The following MYO1D variants were observed in gnomAD, a reference collection of about 807,000 sequenced individuals.
MYO1D encodes the protein myosin ID.
Under a neutral mutation model 122.0 loss-of-function variants are expected in MYO1D, and 83 were observed. That is an observed-to-expected ratio of 0.68 (90% confidence interval 0.57 to 0.82). MYO1D has a LOEUF of 0.82. Ranked by LOEUF, MYO1D falls within the 40% of genes least tolerant of loss-of-function variation. The pLI, the probability that MYO1D is intolerant of heterozygous loss-of-function variation, is 0.00. For missense variants in MYO1D, 1,157 were observed against 1,269.5 expected (o/e 0.91, Z 1.35); for synonymous variants, 464 against 446.9 (o/e 1.04, Z -0.48).
At chr17:32,560,048 A>G (rs752548316) in intron 21 of MYO1D, among the ~76,000 whole-genome samples, 4 of 152,158 alleles carry the variant, frequency 2.6e-5, no homozygotes, top group Non-Finnish European at 2.9e-5. Context: ...CGAGGTCAGG[A>G]GTTCAAGACC....
intron 21 of MYO1D, among the ~76,000 whole-genome samples, chr17:32,561,045 A>G (rs917348981): frequency 7.3e-5 from 11 of 150,922 alleles, no homozygotes; most frequent in South Asian, 2.1e-4. Flanking sequence ...CTGAGTAGCT[A>G]GGATTACAGG....
intron 1 of MYO1D, among the ~76,000 whole-genome samples, chr17:32,784,287 A>G (rs1339053169): frequency 1.3e-5 from 2 of 152,124 alleles, no homozygotes; most frequent in African/African-American, 4.8e-5. Flanking sequence ...GGTTTTGCCC[A>G]TGGAGTTCAT....
At chr17:32,652,195 A>G (rs900557356) in intron 19 of MYO1D, among the ~76,000 whole-genome samples, 5 of 152,158 alleles carry the variant, frequency 3.3e-5, no homozygotes, top group Admixed American at 1.3e-4. Flanking sequence ...ATTTTGATAG[A>G]TATTGCCAAA....
At chr17:32,803,580 G>A (rs1272607389) in intron 1 of MYO1D, among the ~76,000 whole-genome samples, 1 of 152,138 alleles carries the variant, frequency 6.6e-6, no homozygotes, top group Non-Finnish European at 1.5e-5. Flanking sequence ...TATATACATC[G>A]CACTATCAGC....
chr17:32,842,866 T>G (rs1260310697), intron 1 of MYO1D, among the ~76,000 whole-genome samples: 1 of 151,476 alleles, frequency 6.6e-6, no homozygotes, highest in East Asian at 1.9e-4. Flanking sequence ...TACTGTCATT[T>G]GTTTTATTTC....
intron 21 of MYO1D, among the ~76,000 whole-genome samples, chr17:32,540,203 T>C (rs1262416729): frequency 1.3e-5 from 2 of 151,292 alleles, no homozygotes; most frequent in African/African-American, 4.9e-5. Context: ...ATTAGCCAAG[T>C]GTAGTAATCC....
chr17:32,873,964 C>T (rs1288027076), intron 1 of MYO1D, among the ~76,000 whole-genome samples: 2 of 152,192 alleles, frequency 1.3e-5, no homozygotes, highest in African/African-American at 4.8e-5. Flanking sequence ...CCTTCCCTTC[C>T]AAACAACTTA....
intron 21 of MYO1D, among the ~76,000 whole-genome samples, chr17:32,573,525 CT>C (rs879532045): frequency 0.034 from 4,903 of 144,588 alleles, 211 homozygotes; most frequent in African/African-American, 0.11. Context: ...TGTTTTTCTT[CT>C]TTTTTTTTTT....
At chr17:32,820,535 ATAC>A (rs770234184) in intron 1 of MYO1D, among the ~76,000 whole-genome samples, 1 of 152,090 alleles carries the variant, frequency 6.6e-6, no homozygotes, top group East Asian at 1.9e-4. Flanking sequence ...AGAAAGACAA[ATAC>A]TACATGATTT....
chr17:32,533,017 C>T (rs981649993), intron 21 of MYO1D, among the ~76,000 whole-genome samples: 1 of 152,162 alleles, frequency 6.6e-6, no homozygotes, highest in Admixed American at 6.5e-5. Context: ...TTATGACACT[C>T]TCTCACATGG....
At chr17:32,644,426 A>AG (rs1226931088) in intron 19 of MYO1D, among the ~76,000 whole-genome samples, 1 of 152,186 alleles carries the variant, frequency 6.6e-6, no homozygotes, top group Non-Finnish European at 1.5e-5. Flanking sequence ...GATGTCTATT[A>AG]GGTCCGCTTG....
chr17:32,523,038 A>C (rs549412400), intron 21 of MYO1D, among the ~76,000 whole-genome samples: 1 of 152,222 alleles, frequency 6.6e-6, no homozygotes, highest in Admixed American at 6.5e-5. Flanking sequence ...GATGGTCTCG[A>C]TCTCCTGACC....
At chr17:32,745,462 G>A (rs956082732) in intron 12 of MYO1D, 177 bp from the exon 13 acceptor site, 63 of 514,622 alleles carry the variant, frequency 1.2e-4, no homozygotes, top group African/African-American at 8.8e-4. Context: ...TAAATAGAAG[G>A]GAATTTTCAT....
At chr17:32,786,480 G>A (rs2090295256) in intron 1 of MYO1D, among the ~76,000 whole-genome samples, 1 of 152,202 alleles carries the variant, frequency 6.6e-6, no homozygotes, top group Non-Finnish European at 1.5e-5. Context: ...ACCAAACTCA[G>A]TGCATTTTAT....
At chr17:32,873,078 A>G (rs1316050957) in intron 1 of MYO1D, among the ~76,000 whole-genome samples, 1 of 152,250 alleles carries the variant, frequency 6.6e-6, no homozygotes, top group Non-Finnish European at 1.5e-5. Flanking sequence ...TTTAGCTCCA[A>G]GAGGGAAAAA....
intron 1 of MYO1D, among the ~76,000 whole-genome samples, chr17:32,852,574 T>C (rs1289607450): frequency 1.3e-5 from 2 of 152,208 alleles, no homozygotes; most frequent in African/African-American, 4.8e-5. Flanking sequence ...TATGCTACTA[T>C]GCTTGAATTA....
chr17:32,599,344 G>A (rs948909618), intron 21 of MYO1D, among the ~76,000 whole-genome samples: 9 of 152,158 alleles, frequency 5.9e-5, no homozygotes, highest in African/African-American at 2.2e-4. Flanking sequence ...GTTTTATCAT[G>A]AGATTGCAGC....
At chr17:32,865,775 T>C (rs2151090252) in intron 1 of MYO1D, among the ~76,000 whole-genome samples, 1 of 152,316 alleles carries the variant, frequency 6.6e-6, no homozygotes, top group East Asian at 1.9e-4. Flanking sequence ...CAGCTGTGCC[T>C]GGAATACAAA....
chr17:32,531,932 A>G (rs1231673685), intron 21 of MYO1D, among the ~76,000 whole-genome samples: 1 of 152,222 alleles, frequency 6.6e-6, no homozygotes, highest in African/African-American at 2.4e-5. Context: ...TTCATGTCTC[A>G]ACACTAGTAT....
Sources: gnomAD v4.1 joint callset for allele counts (sites outside exome capture counted in the v4.1 genomes callset) on GRCh38, gnomAD v4.1.1 for gene constraint, MANE v1.5 for transcripts, NCBI Gene and HGNC (gene_info 2026-07-23, HGNC 2026-07-21) for gene names.